SPAG16: variants seen among roughly 807,000 people sequenced by gnomAD.
SPAG16 encodes the protein sperm associated antigen 16.
SPAG16 carries 86 observed loss-of-function variants against 80.4 expected under a neutral mutation model. The ratio of observed to expected loss-of-function variants is 1.07; its 90% CI spans 0.90 to 1.28. SPAG16 has a LOEUF of 1.28. Ranked by LOEUF, SPAG16 falls within the 50% of genes most tolerant of loss-of-function variation. The pLI is 0.00. For synonymous variants in SPAG16, 294 were observed against 265.9 expected (o/e 1.11, Z -1.03); for missense variants, 870 against 765.3 (o/e 1.14, Z -1.61).
At chr2:214,133,238 A>G (rs111777361) in intron 14 of SPAG16, among the ~76,000 whole-genome samples, 51 of 152,206 alleles carry the variant, frequency 3.4e-4, no homozygotes, top group African/African-American at 1.1e-3. Flanking sequence ...TAAGACTTTT[A>G]TCAGCATCCC....
chr2:213,329,514 G>T (rs1373865220), intron 5 of SPAG16, among the ~76,000 whole-genome samples: 5 of 152,126 alleles, frequency 3.3e-5, no homozygotes, highest in Admixed American at 1.3e-4. Context: ...GATGATTTAG[G>T]TTATTATCTG....
chr2:213,452,782 C>T (rs2071779347), intron 9 of SPAG16, among the ~76,000 whole-genome samples: 1 of 152,220 alleles, frequency 6.6e-6, no homozygotes, highest in South Asian at 2.1e-4. Flanking sequence ...TCTCCTGAGG[C>T]TGGGCCTTTG....
rs142409582 is a variant in SPAG16 at position 213,663,948 on chromosome 2, T to TA, written c.1070+173862dup. 2.6e-3 allele frequency among the ~76,000 whole-genome samples: 400 copies of TA among 152,266 alleles called. 5 individuals carry two copies. The highest frequency in any genetic ancestry group is 8.9e-3 in the African/African-American group (368 of 41,580). ...GCAATAAATTAGTATAAACTTAGTT[T>TA]AAAACAGCACAAATTTATTATCTTA... On this transcript the variant is annotated intron_variant, in intron 10 of 15. Transcript: ENST00000331683.
intron 14 of SPAG16, among the ~76,000 whole-genome samples, chr2:214,111,067 C>A (rs2053638459): frequency 6.6e-6 from 1 of 152,094 alleles, no homozygotes. Context: ...AAATTTTCTC[C>A]CATCCTGTAG....
intron 11 of SPAG16, among the ~76,000 whole-genome samples, chr2:213,880,395 G>T (rs970302952): frequency 2.0e-5 from 3 of 152,144 alleles, no homozygotes; most frequent in Non-Finnish European, 4.4e-5. Flanking sequence ...CAGATGCATT[G>T]TTTGAGAATA....
At chr2:213,991,982 A>C (rs902700905) in intron 12 of SPAG16, among the ~76,000 whole-genome samples, 5 of 152,080 alleles carry the variant, frequency 3.3e-5, no homozygotes, top group Non-Finnish European at 7.4e-5. Flanking sequence ...GCAGTCCTGC[A>C]TAATGAAGAC....
chr2:214,337,449 T>C (rs1241455143), intron 15 of SPAG16, among the ~76,000 whole-genome samples: 3 of 152,320 alleles, frequency 2.0e-5, no homozygotes, highest in Non-Finnish European at 4.4e-5. Flanking sequence ...TAGATGGCTG[T>C]TTCTGAATCA....
intron 12 of SPAG16, among the ~76,000 whole-genome samples, chr2:213,938,023 T>C (rs2079056944): frequency 6.6e-6 from 1 of 151,996 alleles, no homozygotes; most frequent in Non-Finnish European, 1.5e-5. Flanking sequence ...TTCTGTTTGT[T>C]ATCTCATACA....
intron 10 of SPAG16, among the ~76,000 whole-genome samples, chr2:213,655,074 A>G (rs373272384): frequency 7.9e-5 from 12 of 152,330 alleles, no homozygotes; most frequent in East Asian, 3.9e-4. Flanking sequence ...AATTTGTCCA[A>G]ACCCATAGAA....
intron 11 of SPAG16, among the ~76,000 whole-genome samples, chr2:213,894,809 T>C (rs2106095654): frequency 6.6e-6 from 1 of 151,216 alleles, no homozygotes; most frequent in Non-Finnish European, 1.5e-5. Flanking sequence ...GCTAACATGG[T>C]GAAACCACAT....
rs545018316 is a variant in SPAG16 at position 214,103,089 on chromosome 2, T to G, written c.1528-5107T>G. Among the ~76,000 whole-genome samples, 5 of 152,254 alleles carry G rather than the reference T, an allele frequency of 3.3e-5. No homozygotes were observed. In the South Asian group the frequency reaches 6.2e-4, roughly 19 times the overall value. Reference sequence around the variant, plus strand: ...GCATGCCCATCTGAGGTTTTTTCCTTTCTCCAGTGGCATGTGCCCCCCAGA... The same window carrying G: ...GCATGCCCATCTGAGGTTTTTTCCTGTCTCCAGTGGCATGTGCCCCCCAGA... On this transcript the variant is annotated intron_variant, in intron 13 of 15. Transcript: ENST00000331683.
rs565250893 is a variant in SPAG16 at position 214,204,253 on chromosome 2, C to G, written c.1720+54987C>G. 6.6e-5 allele frequency among the ~76,000 whole-genome samples: 10 copies of G among 152,336 alleles called. No homozygotes were observed. In the South Asian group the frequency reaches 2.1e-3, roughly 32 times the overall value. ...GTCTTTCTGTACCTGCCCTGGTAGC[C>G]AAAGTCAAAGGACATAATCTTTTGG... On this transcript the variant is annotated intron_variant, in intron 15 of 15. Coordinates refer to ENST00000331683, the MANE Select transcript of SPAG16 (RefSeq NM_024532.5).
At chr2:213,897,692 T>C (rs2077051031) in intron 11 of SPAG16, among the ~76,000 whole-genome samples, 1 of 152,168 alleles carries the variant, frequency 6.6e-6, no homozygotes, top group African/African-American at 2.4e-5. Flanking sequence ...CACGCGGTGC[T>C]AATCTATACC....
At chr2:213,678,781 G>GTA (rs912164733) in intron 10 of SPAG16, among the ~76,000 whole-genome samples, 9 of 152,196 alleles carry the variant, frequency 5.9e-5, no homozygotes, top group Non-Finnish European at 8.8e-5. Flanking sequence ...CAGAAAGGTT[G>GTA]TACGCAGGCA....
intron 15 of SPAG16, among the ~76,000 whole-genome samples, chr2:214,400,135 A>C (rs572675994): frequency 5.9e-5 from 9 of 152,176 alleles, no homozygotes; most frequent in Non-Finnish European, 1.2e-4. Flanking sequence ...ATCATCATTC[A>C]TGCTCTCCTA....
chr2:213,628,243 C>T (rs2062027965), intron 10 of SPAG16, among the ~76,000 whole-genome samples: 1 of 152,128 alleles, frequency 6.6e-6, no homozygotes, highest in South Asian at 2.1e-4. Context: ...TCAGGAAATT[C>T]TTGAGTGTTT....
chr2:213,335,799 G>T lies in SPAG16; in HGVS notation c.537-4364G>T, dbSNP rs1050925977. Among the ~76,000 whole-genome samples, 5 of 152,002 alleles carry T rather than the reference G, an allele frequency of 3.3e-5. 1 individual carries two copies. Among genetic ancestry groups the T allele is most frequent in the African/African-American group, 1.2e-4 (5 of 41,386 alleles). ...AGTCACCTGAACATTGTTTATTTAC[G>T]TGTAATGAAAACTACAAAATTGGCA... is the stretch of plus-strand genomic sequence containing the variant. On this transcript the variant is annotated intron_variant, in intron 5 of 15. Coordinates refer to ENST00000331683, the MANE Select transcript of SPAG16 (RefSeq NM_024532.5).
At chr2:213,766,915 T>C (rs1460708542) in intron 10 of SPAG16, among the ~76,000 whole-genome samples, 1 of 152,136 alleles carries the variant, frequency 6.6e-6, no homozygotes, top group East Asian at 1.9e-4. Context: ...TTGGAGAGGG[T>C]AGCTTTCTCC....
chr2:213,815,794 A>G (rs945938641), intron 10 of SPAG16, among the ~76,000 whole-genome samples: 1 of 152,130 alleles, frequency 6.6e-6, no homozygotes, highest in African/African-American at 2.4e-5. Flanking sequence ...TACGTATAAC[A>G]ATTATTTATA....
Sources: gnomAD v4.1 joint callset for allele counts (sites outside exome capture counted in the v4.1 genomes callset) on GRCh38, gnomAD v4.1.1 for gene constraint, MANE v1.5 for transcripts, NCBI Gene and HGNC (gene_info 2026-07-23, HGNC 2026-07-21) for gene names.